Variants in SHANK2 observed in about 807,000 individuals in gnomAD.
The protein encoded by SHANK2 is SH3 and multiple ankyrin repeat domains 2, also known as SH3 and multiple ankyrin repeat domains protein 2.
Under a neutral mutation model 133.7 loss-of-function variants are expected in SHANK2, and 43 were observed. The observed-to-expected ratio is 0.32, with a 90% CI of 0.25 to 0.41. The LOEUF (loss-of-function observed/expected upper bound fraction) is 0.41. Ranked by LOEUF, SHANK2 falls within the 10% of genes least tolerant of loss-of-function variation. The probability of loss-of-function intolerance (pLI) is 1.00; values close to 1 mark genes in which losing one functional copy is unlikely to be tolerated. For synonymous variants in SHANK2, 1,017 were observed against 952.8 expected (o/e 1.07, Z -1.24); for missense variants, 1,994 against 2,235.8 (o/e 0.89, Z 2.18).
chr11:70,722,585 CT>C (rs1318156063), intron 14 of SHANK2, among the ~76,000 whole-genome samples: 2 of 152,258 alleles, frequency 1.3e-5, no homozygotes, highest in East Asian at 3.9e-4. Flanking sequence ...TAATTTTATT[CT>C]ATAAGAATTT....
intron 10 of SHANK2, among the ~76,000 whole-genome samples, chr11:70,919,730 C>T (rs1950321352): frequency 6.6e-6 from 1 of 152,190 alleles, no homozygotes; most frequent in Admixed American, 6.5e-5. Flanking sequence ...TATCCTTTGA[C>T]CAACACCACC....
Position 70,468,652 on chromosome 11 carries a change from G to A in SHANK2, c.*4217C>T, listed in dbSNP as rs2058561780. On this transcript the variant is annotated 3_prime_UTR_variant, in exon 26 of 26. Coordinates refer to ENST00000601538, the MANE Select transcript of SHANK2 (RefSeq NM_012309.5). The stretch of plus-strand genomic sequence containing the variant: ...TCTGGAAGAAACCATTGGAAGCAAA[G>A]TCTAGGGGGGTGCCAAGGTTTGGGA... 6.6e-6 allele frequency: 1 copy of A among 152,214 alleles called. No homozygotes were observed. The highest frequency in any genetic ancestry group is 2.1e-4 in the South Asian group (1 of 4,818). 9.4% of individuals were successfully genotyped at this position (152,214 alleles called of 1,614,324 possible).
At chr11:70,909,283 C>T (rs1001405356) in intron 10 of SHANK2, among the ~76,000 whole-genome samples, 29 of 152,318 alleles carry the variant, frequency 1.9e-4, no homozygotes, top group African/African-American at 6.7e-4. Context: ...CGTGAGCCCA[C>T]AGGGCAGTTA....
chr11:70,884,656 C>G (rs550166612), intron 11 of SHANK2, among the ~76,000 whole-genome samples: 53 of 152,294 alleles, frequency 3.5e-4, no homozygotes, highest in Middle Eastern at 3.4e-3. Flanking sequence ...TCCGGTCCCC[C>G]CCACCGAGTG....
chr11:70,754,508 T>C (rs1158139420), intron 14 of SHANK2, among the ~76,000 whole-genome samples: 1 of 152,140 alleles, frequency 6.6e-6, no homozygotes, highest in Admixed American at 6.6e-5. Context: ...GAAAAACAGA[T>C]AATCATAGCA....
chr11:70,652,393 G>A (rs369389489), intron 17 of SHANK2, among the ~76,000 whole-genome samples: 1 of 152,166 alleles, frequency 6.6e-6, no homozygotes, highest in Non-Finnish European at 1.5e-5. Flanking sequence ...AATAATAGTG[G>A]TAACAAACAT....
chr11:70,762,097 C>T (rs1001394713), intron 14 of SHANK2, among the ~76,000 whole-genome samples: 12 of 152,202 alleles, frequency 7.9e-5, no homozygotes, highest in East Asian at 7.7e-4. Flanking sequence ...CCCCTGACTT[C>T]GCTCCTGCTC....
intron 14 of SHANK2, among the ~76,000 whole-genome samples, chr11:70,701,469 T>C (rs573050871): frequency 7.9e-5 from 12 of 152,286 alleles, no homozygotes; most frequent in Middle Eastern, 3.4e-3. Context: ...TGGTGCGATC[T>C]CAGCTCACTG....
Position 70,502,275 on chromosome 11 carries a change from G to C in SHANK2, c.2209C>G (p.Pro737Ala). ...DTARKKAPPP[P>A]KRAPTTALTL... ...AGGGCTGTGGTCGGTGCCCGCTTTG[G>C]AGGCGGGGGAGCTGGAGGGCAGAGG... is the stretch of plus-strand genomic sequence containing the variant. The change falls in exon 19 of 26, where the codon CCA (proline) becomes GCA (alanine). Residue 737 changes from proline to alanine, a missense_variant. This residue lies in a region of SHANK2 where 488 missense variants were observed against 642.6 expected (regional missense o/e 0.76). Transcript: ENST00000601538. 1 of 1,555,778 alleles carries C rather than the reference G, an allele frequency of 6.4e-7. No individual in the cohort carries two copies. The highest frequency in any genetic ancestry group is 8.7e-7 in the Non-Finnish European group (1 of 1,148,614).
intron 11 of SHANK2, among the ~76,000 whole-genome samples, chr11:70,856,628 G>A (rs1949176613): frequency 6.6e-6 from 1 of 152,160 alleles, no homozygotes; most frequent in Non-Finnish European, 1.5e-5. Context: ...CTCTTGGACT[G>A]TTTTGCCCAT....
At chr11:70,606,833 A>C (rs1161262206) in intron 17 of SHANK2, among the ~76,000 whole-genome samples, 1 of 152,120 alleles carries the variant, frequency 6.6e-6, no homozygotes, top group Admixed American at 6.5e-5. Context: ...TACGGAAGGG[A>C]GGTGCGCTAG....
rs200894949 is a variant in SHANK2 at position 70,939,523 on chromosome 11, GGCTAGCAAGGT to G, written c.1108-42967_1108-42957del. Reference sequence around the variant, plus strand: ...AACAAATAATAATTTCCAAAAAAGAGGCTAGCAAGGTGCTAGCAAGGTGCTCCATGTCTGGG... The same window carrying G: ...AACAAATAATAATTTCCAAAAAAGAGGCTAGCAAGGTGCTCCATGTCTGGG... On this transcript the variant is annotated intron_variant, in intron 10 of 25. Transcript: ENST00000601538. 3.6e-3 allele frequency among the ~76,000 whole-genome samples: 550 copies of G among 152,082 alleles called. 7 individuals are homozygous for G. In the East Asian group the frequency reaches 0.062, roughly 17 times the overall value.
At chr11:71,194,647 G>A (rs530268129) in intron 2 of SHANK2, among the ~76,000 whole-genome samples, 1 of 152,364 alleles carries the variant, frequency 6.6e-6, no homozygotes, top group South Asian at 2.1e-4. Context: ...TGTCTTCAGA[G>A]CCAACCTGCA....
chr11:70,798,341 C>T (rs1174353073), intron 14 of SHANK2, 102 bp downstream of exon 14: 1 of 694,466 alleles, frequency 1.4e-6, no homozygotes, highest in South Asian at 1.5e-5. Flanking sequence ...CTCAGCCTCC[C>T]TCTACGACGC....
At chr11:70,673,654 C>A (rs1555016599) in intron 15 of SHANK2, among the ~76,000 whole-genome samples, 3 of 152,264 alleles carry the variant, frequency 2.0e-5, no homozygotes, top group Middle Eastern at 3.2e-3. Context: ...CCACCTGCAG[C>A]CCGTGGTCCC....
At chr11:70,759,189 A>AAAC (rs1565297462) in intron 14 of SHANK2, among the ~76,000 whole-genome samples, 8 of 91,670 alleles carry the variant, frequency 8.7e-5, no homozygotes, top group Admixed American at 3.7e-4. Context: ...CCAAACCAAA[A>AAAC]CAAAACAAAA....
intron 12 of SHANK2, among the ~76,000 whole-genome samples, chr11:70,819,517 C>G (rs1263139142): frequency 6.6e-6 from 1 of 152,218 alleles, no homozygotes; most frequent in East Asian, 1.9e-4. Flanking sequence ...AGGCAGAGAC[C>G]TGCTTGGGAG....
At chr11:70,876,588 TACACACACACAC>T (rs3064230) in intron 11 of SHANK2, among the ~76,000 whole-genome samples, 4 of 135,360 alleles carry the variant, frequency 3.0e-5, no homozygotes, top group African/African-American at 8.1e-5. Context: ...AAAAAAATTA[TACACACACACAC>T]ACACACACAC....
chr11:70,874,200 T>C (rs550289440), intron 11 of SHANK2, among the ~76,000 whole-genome samples: 1 of 152,296 alleles, frequency 6.6e-6, no homozygotes, highest in African/African-American at 2.4e-5. Flanking sequence ...CATCCATCCA[T>C]CCATATCTAT....
Sources: allele counts gnomAD v4.1 joint callset (sites outside exome capture counted in the v4.1 genomes callset), GRCh38; gene constraint gnomAD v4.1.1; regional missense constraint gnomAD v4.1.1; transcripts MANE v1.5; gene names NCBI Gene and HGNC (gene_info 2026-07-23, HGNC 2026-07-21).